RFC3: variants seen among roughly 807,000 people sequenced by gnomAD.
RFC3 encodes replication factor C subunit 3.
A neutral mutation model predicts 45.1 loss-of-function variants in RFC3; 41 were observed. That is an observed-to-expected ratio of 0.91 (90% CI 0.71 to 1.18). The LOEUF is 1.18. Ranked by LOEUF, RFC3 falls within the 50% of genes most tolerant of loss-of-function variation. RFC3 has a pLI of 0.00. For synonymous variants in RFC3, 149 were observed against 144.0 expected (o/e 1.03, Z -0.25); for missense variants, 423 against 428.1 (o/e 0.99, Z 0.10).
At chr13:33,939,755 C>CA (rs1476291943) in intron 8 of RFC3, among the ~76,000 whole-genome samples, 1 of 152,128 alleles carries the variant, frequency 6.6e-6, no homozygotes, top group African/African-American at 2.4e-5. Context: ...TCTGTACTAA[C>CA]TCTGGGTAGA....
intron 8 of RFC3, among the ~76,000 whole-genome samples, chr13:33,925,107 G>A (rs1056772914): frequency 3.2e-4 from 46 of 145,004 alleles, no homozygotes; most frequent in South Asian, 8.6e-4. Flanking sequence ...CTATATACAC[G>A]CATATATAGT....
At chr13:33,864,637 G>A (rs2082361782) in intron 8 of RFC3, among the ~76,000 whole-genome samples, 1 of 152,106 alleles carries the variant, frequency 6.6e-6, no homozygotes, top group Non-Finnish European at 1.5e-5. Context: ...TATGGGGCTG[G>A]GAGTAAGTTG....
intron 8 of RFC3, among the ~76,000 whole-genome samples, chr13:33,920,420 C>CTAT (rs1555241368): frequency 1.2e-5 from 1 of 83,168 alleles, no homozygotes. Context: ...TACAACCACA[C>CTAT]TTTTTTTTTT....
In RFC3 at chr13:33,829,836, T is replaced by G; in HGVS notation, c.392T>G (p.Val131Gly). 1 of 1,613,378 alleles carries G rather than the reference T, an allele frequency of 6.2e-7. No homozygotes were observed. Among genetic ancestry groups the G allele is most frequent in the Non-Finnish European group, 8.5e-7 (1 of 1,179,300 alleles). Residue 131 changes from valine to glycine, a missense_variant and splice_region_variant, in exon 5 of 9, where the codon GTG (valine) becomes GGG (glycine). Val to Gly is a moderately radical substitution (Grantham distance 109, BLOSUM62 -3). Coordinates refer to ENST00000380071, the MANE Select transcript of RFC3 (RefSeq NM_002915.4). ...LETNSQRDFK[V>G]VLLTEVDKLT... Reference sequence around the variant, plus strand: ...TTTGTTTTGTTTCTCTTTGACTCAGTGGTATTATTGACAGAAGTTGACAAA... The same window carrying G: ...TTTGTTTTGTTTCTCTTTGACTCAGGGGTATTATTGACAGAAGTTGACAAA...
At chr13:33,965,207 C>G (rs188258476) in intron 8 of RFC3, among the ~76,000 whole-genome samples, 1 of 152,102 alleles carries the variant, frequency 6.6e-6, no homozygotes, top group African/African-American at 2.4e-5. Flanking sequence ...GTCCCAAATT[C>G]GATATGACCT....
At chr13:33,953,198 C>T (rs1593715877) in intron 8 of RFC3, among the ~76,000 whole-genome samples, 2 of 151,700 alleles carry the variant, frequency 1.3e-5, no homozygotes, top group South Asian at 2.1e-4. Flanking sequence ...ATGGATGTTC[C>T]GTATTAACCT....
chr13:33,950,458 G>A (rs116579391), intron 8 of RFC3, among the ~76,000 whole-genome samples: 2,060 of 152,172 alleles, frequency 0.014, 52 homozygotes, highest in African/African-American at 0.047. Context: ...TCCCTAAAAG[G>A]GTTTTAGAGA....
rs565883779 is a variant in RFC3 at position 33,956,648 on chromosome 13, G to A, written c.880-9439G>A. 8.5e-5 allele frequency among the ~76,000 whole-genome samples: 13 copies of A among 152,294 alleles called. 1 individual carries two copies. The South Asian group carries it at 2.5e-3, about 29-fold the overall frequency. On this transcript the variant is annotated intron_variant, in intron 8 of 8. Coordinates refer to the RFC3 transcript ENST00000434425. ...AACTTCTGTATCAAGAACACATAAAGAAGAGTGTGGAGTCCCAGGAGGCTC... is the reference window on the plus strand; with the variant it reads ...AACTTCTGTATCAAGAACACATAAAAAAGAGTGTGGAGTCCCAGGAGGCTC...
chr13:33,868,911 T>C (rs1038062801), intron 8 of RFC3, among the ~76,000 whole-genome samples: 1 of 152,218 alleles, frequency 6.6e-6, no homozygotes, highest in African/African-American at 2.4e-5. Context: ...TCCTGGAATA[T>C]GTGTGCATTG....
At chr13:33,958,633 G>A (rs2083037348) in intron 8 of RFC3, among the ~76,000 whole-genome samples, 1 of 152,216 alleles carries the variant, frequency 6.6e-6, no homozygotes, top group African/African-American at 2.4e-5. Context: ...TTTACTATAG[G>A]GAGAGTGTGG....
At chr13:33,932,514 TG>T (rs2082859094) in intron 8 of RFC3, among the ~76,000 whole-genome samples, 1 of 152,110 alleles carries the variant, frequency 6.6e-6, no homozygotes, top group Admixed American at 6.6e-5. Context: ...AGTACTAAAA[TG>T]TGTTAGTCTG....
At chr13:33,826,137 C>T (rs949539592) in intron 4 of RFC3, among the ~76,000 whole-genome samples, 4 of 151,832 alleles carry the variant, frequency 2.6e-5, no homozygotes, top group African/African-American at 4.8e-5. Context: ...TTCTTATGAC[C>T]GAGTCATATG....
At chr13:33,823,841 A>G in intron 2 of RFC3, 76 bp from the exon 3 acceptor site, 1 of 743,856 alleles carries the variant, frequency 1.3e-6, no homozygotes, top group East Asian at 2.9e-5. Context: ...AATAAAAGGA[A>G]AACCAATGAA....
intron 7 of RFC3, among the ~76,000 whole-genome samples, chr13:33,834,917 G>GA (rs1424871590): frequency 6.6e-6 from 1 of 152,122 alleles, no homozygotes; most frequent in Non-Finnish European, 1.5e-5. Context: ...TTTCAAAAAT[G>GA]AACTGAAGTT....
chr13:33,865,452 C>A (rs1289156335), intron 8 of RFC3, among the ~76,000 whole-genome samples: 1 of 144,134 alleles, frequency 6.9e-6, no homozygotes, highest in Non-Finnish European at 1.5e-5. Flanking sequence ...AAAGGCAAAC[C>A]TAGGTGGAGA....
At chr13:33,826,699 T>A (rs1281319031) in intron 4 of RFC3, among the ~76,000 whole-genome samples, 1 of 152,200 alleles carries the variant, frequency 6.6e-6, no homozygotes, top group African/African-American at 2.4e-5. Context: ...TATATCTTGC[T>A]ATGTTATTAA....
chr13:33,900,066 G>A (rs755770373), intron 8 of RFC3, among the ~76,000 whole-genome samples: 24 of 152,002 alleles, frequency 1.6e-4, no homozygotes, highest in Non-Finnish European at 2.8e-4. Flanking sequence ...ATGTTCATGG[G>A]TTGAAAGAAT....
intron 8 of RFC3, among the ~76,000 whole-genome samples, chr13:33,876,381 G>A (rs1174465375): frequency 2.6e-5 from 4 of 152,108 alleles, no homozygotes; most frequent in Non-Finnish European, 5.9e-5. Flanking sequence ...CAAAGTTTTT[G>A]TTGACAATCC....
Position 33,950,766 on chromosome 13 carries a change from T to C in RFC3, c.880-15321T>C, listed in dbSNP as rs530929966. 5.3e-5 allele frequency among the ~76,000 whole-genome samples: 8 copies of C among 151,072 alleles called. No individual in the cohort carries two copies. The South Asian group carries it at 1.0e-3, about 20-fold the overall frequency. ...CCAATGTATTCTCTCTCTCTTCTCT[T>C]TCTCTCTCTCTCTCTCTTTGAACCT... On this transcript the variant is annotated intron_variant, in intron 8 of 8. Transcript: ENST00000434425.
Sources: allele counts gnomAD v4.1 joint callset (sites outside exome capture counted in the v4.1 genomes callset), GRCh38; gene constraint gnomAD v4.1.1; transcripts MANE v1.5; gene names NCBI Gene and HGNC (gene_info 2026-07-23, HGNC 2026-07-21).